The following OPRM1 variants were observed in gnomAD, a reference collection of about 807,000 sequenced individuals.
OPRM1 encodes opioid receptor mu 1, also known as mu-type opioid receptor.
Under a neutral mutation model 31.8 loss-of-function variants are expected in OPRM1, and 27 were observed. That is an observed-to-expected ratio of 0.85 (90% CI 0.63 to 1.17). The LOEUF (loss-of-function observed/expected upper bound fraction) is 1.17, where lower values mean the gene tolerates loss of function less well. OPRM1 is among the 50% of genes most tolerant of loss of function. OPRM1 has a pLI of 0.00. For missense variants in OPRM1, 536 were observed against 511.1 expected (o/e 1.05, Z -0.47); for synonymous variants, 196 against 189.9 (o/e 1.03, Z -0.26).
chr6:154,127,115 A>AAAG lies in OPRM1; in HGVS notation c.*8396_*8397insGAA, dbSNP rs1363816764. Among the ~76,000 whole-genome samples, 2 of 151,684 alleles carry AAAG rather than the reference A, an allele frequency of 1.3e-5. No homozygotes were observed. The highest frequency in any genetic ancestry group is 2.9e-5 in the Non-Finnish European group (2 of 67,920). On this transcript the variant is annotated 3_prime_UTR_variant, in exon 4 of 4. Coordinates refer to ENST00000330432, the MANE Select transcript of OPRM1 (RefSeq NM_000914.5). ...CAGAATGAGATTGTCTCAAAAAAAA[A>AAAG]AAAAAGTGCCACATGCCATGCTATG...
intron 1 of OPRM1, among the ~76,000 whole-genome samples, chr6:154,040,990 G>A (rs190236392): frequency 6.6e-6 from 1 of 151,726 alleles, no homozygotes; most frequent in Non-Finnish European, 1.5e-5. Context: ...TTAACCAGGG[G>A]TATGTGTATA....
chr6:154,102,365 A>T (rs1386899962), intron 3 of OPRM1, among the ~76,000 whole-genome samples: 1 of 152,168 alleles, frequency 6.6e-6, no homozygotes, highest in Non-Finnish European at 1.5e-5. Context: ...TGTAAGCATG[A>T]TGTATGATTA....
downstream of OPRM1, among the ~76,000 whole-genome samples, chr6:154,135,258 C>G (rs2128535930): frequency 6.6e-6 from 1 of 152,252 alleles, no homozygotes; most frequent in South Asian, 2.1e-4. Flanking sequence ...CACCTGAGGT[C>G]CGGAGTTCAA....
At chr6:154,241,253 A>AAG (rs931432115) in intron 3 of OPRM1, among the ~76,000 whole-genome samples, 8 of 150,662 alleles carry the variant, frequency 5.3e-5, no homozygotes, top group South Asian at 2.1e-4. Context: ...AAAAAAAAAA[A>AAG]AGAGAGAGAG....
At chr6:154,039,951 G>A in intron 1 of OPRM1, 117 bp downstream of exon 1, 1 of 890,422 alleles carries the variant, frequency 1.1e-6, no homozygotes. Context: ...GAGGTAAACT[G>A]GGGGGACTCT....
At chr6:154,069,109 T>G (rs1786092556) in intron 1 of OPRM1, among the ~76,000 whole-genome samples, 1 of 152,218 alleles carries the variant, frequency 6.6e-6, no homozygotes, top group Non-Finnish European at 1.5e-5. Flanking sequence ...TATCAGCCCC[T>G]TATCAGCTGT....
intron 3 of OPRM1, among the ~76,000 whole-genome samples, chr6:154,188,770 T>C (rs1470508946): frequency 1.3e-5 from 2 of 152,144 alleles, no homozygotes. Flanking sequence ...GGGAGAAAAA[T>C]GGCGTGTACA....
chr6:154,182,063 T>A (rs1001427999), intron 3 of OPRM1, among the ~76,000 whole-genome samples: 1 of 152,010 alleles, frequency 6.6e-6, no homozygotes, highest in Admixed American at 6.6e-5. Context: ...TAAATTAAAA[T>A]TTTTAAAAAA....
chr6:154,172,578 G>A (rs886619181), intron 3 of OPRM1, among the ~76,000 whole-genome samples: 4 of 152,316 alleles, frequency 2.6e-5, no homozygotes, highest in African/African-American at 9.6e-5. Flanking sequence ...GCTGGAGCTT[G>A]GCAAGGGGAG....
chr6:154,158,907 T>G (rs985660981), intron 3 of OPRM1: 1 of 151,854 alleles, frequency 6.6e-6, no homozygotes, highest in Admixed American at 6.5e-5. Flanking sequence ...CATGGGTTTT[T>G]GTTTTTTTGT....
chr6:154,132,685 T>A (rs138536023), downstream of OPRM1, among the ~76,000 whole-genome samples: 2,570 of 152,164 alleles, frequency 0.017, 66 homozygotes, highest in African/African-American at 0.053. Context: ...CTACTTTTTT[T>A]AAAAATGTGT....
At chr6:154,241,431 C>CA (rs904396373) in intron 3 of OPRM1, among the ~76,000 whole-genome samples, 3 of 150,130 alleles carry the variant, frequency 2.0e-5, no homozygotes, top group Admixed American at 2.0e-4. Flanking sequence ...TAAAATACAC[C>CA]AAAAAAGTAA....
At chr6:154,022,372 C>T (rs1778426274) in intron 1 of OPRM1, among the ~76,000 whole-genome samples, 1 of 136,086 alleles carries the variant, frequency 7.3e-6, no homozygotes, top group Non-Finnish European at 1.5e-5. Context: ...AGAGCCTCTG[C>T]TCCACGCCCC....
chr6:154,033,363 A>G (rs1432127951), intron 1 of OPRM1, among the ~76,000 whole-genome samples: 3 of 152,228 alleles, frequency 2.0e-5, no homozygotes, highest in Non-Finnish European at 1.5e-5. Flanking sequence ...AAACATGAAT[A>G]AAGTGCCAGT....
At chr6:154,040,212 A>G (rs3823009) in intron 1 of OPRM1, among the ~76,000 whole-genome samples, 1 of 152,004 alleles carries the variant, frequency 6.6e-6, no homozygotes, top group Non-Finnish European at 1.5e-5. Context: ...GGAAAGAGTA[A>G]GTTGTGAATA....
In OPRM1 at chr6:154,118,846, A is replaced by G; in HGVS notation, c.*125A>G. On this transcript the variant is annotated 3_prime_UTR_variant, in exon 4 of 4. Coordinates refer to ENST00000330432, the MANE Select transcript of OPRM1 (RefSeq NM_000914.5). ...GAAAGTGCCTGCTTTTAGGTCATCC[A>G]ACCTCTTTCCTCTCTGGCCACTCTG... is the stretch of plus-strand genomic sequence containing the variant. 3 of 1,518,466 alleles carry G rather than the reference A, an allele frequency of 2.0e-6. No individual in the cohort carries two copies. Among genetic ancestry groups the G allele is most frequent in the Non-Finnish European group, 2.6e-6 (3 of 1,141,988 alleles). The allele number at this position is 1,518,466 out of a possible 1,614,324, so 94.1% of individuals were successfully genotyped here. A position where few individuals can be genotyped will look rare whatever the true frequency, so the allele number is the denominator to read the frequency against.
Position 154,091,467 on chromosome 6 carries a change from C to T in OPRM1, c.1159C>T (p.His387Tyr). ...STANTVDRTN[H>Y]QLENLEAETA... ...GGCCAATACAGTGGATAGAACTAAT[C>T]ATCAGGTACGCAGTCTCTAGAATTA... The change falls in exon 3 of 4, where the codon CAT becomes TAT. Residue 387 changes from histidine to tyrosine, a missense_variant. His to Tyr is a moderately conservative substitution (Grantham distance 83). Transcript: ENST00000330432. 6.2e-7 allele frequency: 1 copy of T among 1,610,744 alleles called. No homozygotes were observed. Among genetic ancestry groups the T allele is most frequent in the Middle Eastern group, 1.7e-4 (1 of 6,058 alleles).
chr6:154,153,553 C>T lies in OPRM1; in HGVS notation c.1164+62081C>T, dbSNP rs932287251. On this transcript the variant is annotated intron_variant, in intron 3 of 3. Coordinates refer to the OPRM1 transcript ENST00000337049. The stretch of plus-strand genomic sequence containing the variant: ...ACGAAAAATTAGCCAGGAGTGATGA[C>T]GGGTGCCTGTAATCCCAGCTACTCA... 5.3e-5 allele frequency among the ~76,000 whole-genome samples: 8 copies of T among 152,196 alleles called. No homozygotes were observed. In the South Asian group the frequency reaches 8.3e-4, roughly 16 times the overall value.
intron 1 of OPRM1, among the ~76,000 whole-genome samples, chr6:154,071,199 G>A (rs1157725505): frequency 6.6e-6 from 1 of 152,198 alleles, no homozygotes; most frequent in Non-Finnish European, 1.5e-5. Flanking sequence ...AAGGCACAGT[G>A]TGTAGTCATA....
Sources: allele counts gnomAD v4.1 joint callset (sites outside exome capture counted in the v4.1 genomes callset), GRCh38; gene constraint gnomAD v4.1.1; transcripts MANE v1.5; gene names NCBI Gene and HGNC (gene_info 2026-07-23, HGNC 2026-07-21).